Variants in OSBP observed in about 807,000 individuals in gnomAD.
OSBP encodes the protein oxysterol-binding protein 1.
OSBP carries 32 observed loss-of-function variants against 96.6 expected under a neutral mutation model. That is an observed-to-expected ratio of 0.33 (90% CI 0.25 to 0.45). The LOEUF is 0.45. Ranked by LOEUF, OSBP falls within the 20% of genes least tolerant of loss-of-function variation. The pLI is 1.00. For missense variants in OSBP, 653 were observed against 1,029.7 expected (o/e 0.63, Z 5.01); for synonymous variants, 369 against 389.6 (o/e 0.95, Z 0.62).
chr11:59,612,406 T>C (rs1052785616), intron 1 of OSBP, among the ~76,000 whole-genome samples: 2 of 152,178 alleles, frequency 1.3e-5, no homozygotes, highest in African/African-American at 2.4e-5. Flanking sequence ...ACTCCAAGTA[T>C]ACTACTTGGA....
chr11:59,577,726 A>G (rs1860376427), intron 12 of OSBP, among the ~76,000 whole-genome samples: 1 of 152,194 alleles, frequency 6.6e-6, no homozygotes, highest in Non-Finnish European at 1.5e-5. Flanking sequence ...CCTAATCACA[A>G]GTGATCCACC....
Position 59,578,198 on chromosome 11 carries a change from G to C in OSBP, c.2011C>G (p.His671Asp). Residue 671 changes from histidine to aspartate, a missense_variant, in exon 12 of 14, where the codon CAT becomes GAT. Around this residue, in one of 6 missense-constraint regions of OSBP, gnomAD observed 169 missense variants for 251.5 expected, o/e 0.67. Transcript: ENST00000263847. ...ENGGDARQRG[H>D]EAEESRVMLW... ...ATGACCCTGCTTTCCTCTGCTTCAT[G>C]GCCTCTCTGTCGAGCATCACCCCCA... 6.2e-7 allele frequency: 1 copy of C among 1,614,150 alleles called. No homozygotes were observed. The highest frequency in any genetic ancestry group is 8.5e-7 in the Non-Finnish European group (1 of 1,180,020).
chr11:59,600,075 T>C (rs1276816317), intron 7 of OSBP, among the ~76,000 whole-genome samples: 2 of 152,242 alleles, frequency 1.3e-5, no homozygotes, highest in Non-Finnish European at 2.9e-5. Context: ...CTGGTTTGAA[T>C]GAGCGATTTT....
intron 9 of OSBP, among the ~76,000 whole-genome samples, chr11:59,584,170 C>T (rs1227690082): frequency 6.6e-6 from 1 of 151,966 alleles, no homozygotes; most frequent in Non-Finnish European, 1.5e-5. Context: ...TGGTCTTGAA[C>T]TCCTGGGCTC....
chr11:59,605,605 C>T (rs1336345188), intron 3 of OSBP, among the ~76,000 whole-genome samples: 1 of 151,986 alleles, frequency 6.6e-6, no homozygotes, highest in African/African-American at 2.4e-5. Context: ...AGGCTGGTCT[C>T]GAACTCCTGA....
intron 7 of OSBP, among the ~76,000 whole-genome samples, chr11:59,600,269 A>G (rs1322358691): frequency 6.6e-6 from 1 of 152,260 alleles, no homozygotes; most frequent in Non-Finnish European, 1.5e-5. Context: ...TTGCTCAAAA[A>G]TAACTGCTAC....
intron 3 of OSBP, among the ~76,000 whole-genome samples, chr11:59,603,532 T>C (rs890551500): frequency 7.5e-6 from 1 of 133,528 alleles, no homozygotes; most frequent in African/African-American, 2.9e-5. Flanking sequence ...ACCTTCAGTT[T>C]TTTTTTTTTT....
Position 59,585,038 on chromosome 11 carries a change from A to T in OSBP, c.1679-3484T>A, listed in dbSNP as rs1431899123. ...TGGCCTCCCAAAATGCCGAGATTAC[A>T]GCCTCTGCCCGGCCGCCACCCCGTC... On this transcript the variant is annotated intron_variant, in intron 9 of 13. Transcript: ENST00000263847. 3.9e-5 allele frequency among the ~76,000 whole-genome samples: 6 copies of T among 152,244 alleles called. No homozygotes were observed. The South Asian group carries it at 1.2e-3, about 32-fold the overall frequency.
At chr11:59,606,645 T>C (rs994762915) in intron 3 of OSBP, among the ~76,000 whole-genome samples, 9 of 152,188 alleles carry the variant, frequency 5.9e-5, no homozygotes, top group Non-Finnish European at 1.0e-4. Context: ...AATATACCTA[T>C]GTAACAAACC....
intron 9 of OSBP, among the ~76,000 whole-genome samples, chr11:59,588,672 G>C (rs1327804013): frequency 2.0e-5 from 3 of 152,078 alleles, no homozygotes; most frequent in Non-Finnish European, 4.4e-5. Context: ...ACTTAAGAAT[G>C]GGTAAGGTGC....
intron 7 of OSBP, among the ~76,000 whole-genome samples, chr11:59,596,844 T>C (rs1860665366): frequency 6.6e-6 from 1 of 152,092 alleles, no homozygotes; most frequent in African/African-American, 2.4e-5. Flanking sequence ...TACTGGTATC[T>C]TGCATTAGTG....
Position 59,581,601 on chromosome 11 carries a change from T to C in OSBP, c.1679-47A>G, listed in dbSNP as rs780116359. The C allele has an allele frequency of 5.9e-6, 6 of 1,012,536 alleles. No homozygotes were observed. The South Asian group carries it at 6.4e-5, about 11-fold the overall frequency. The allele number at this position is 1,012,536 out of a possible 1,614,324, so 62.7% of individuals were successfully genotyped here. A position where few individuals can be genotyped will look rare whatever the true frequency, so the allele number is the denominator to read the frequency against. On this transcript the variant is annotated intron_variant, in intron 9 of 13. Transcript: ENST00000263847. Reference sequence around the variant, plus strand: ...CAAATTAAGCCAAATGTCAGAAAAATAGCACCATGCAGCCTCAAAACAGTA... The same window carrying C: ...CAAATTAAGCCAAATGTCAGAAAAACAGCACCATGCAGCCTCAAAACAGTA...
intron 4 of OSBP, 98 bp downstream of exon 4, chr11:59,601,542 T>C (rs546832162): frequency 5.1e-6 from 6 of 1,186,886 alleles, no homozygotes; most frequent in East Asian, 2.3e-5. Flanking sequence ...CCATTTCACA[T>C]GACTCATTGA....
In OSBP at chr11:59,576,588, C is replaced by T. The variant is rs1018777721; in HGVS notation, c.2413G>A (p.Asp805Asn). The change falls in exon 14 of 14, where the codon GAC becomes AAC. Residue 805 changes from aspartate to asparagine, a missense_variant. Coordinates refer to ENST00000263847, the MANE Select transcript of OSBP (RefSeq NM_002556.3). ...KEKQDWSSCP[D>N]IF ...TTGTTACTGCCGTTTCAGAAAATGT[C>T]CGGGCATGAGCTCCAGTCCTGTTTT... The T allele has an allele frequency of 1.2e-6, 2 of 1,612,958 alleles. No individual in the cohort carries two copies. The highest frequency in any genetic ancestry group is 2.7e-5 in the African/African-American group (2 of 74,816).
At chr11:59,600,391 T>A in intron 7 of OSBP, 105 bp downstream of exon 7, 3 of 1,208,346 alleles carry the variant, frequency 2.5e-6, no homozygotes, top group South Asian at 3.0e-5. Flanking sequence ...AAAAAGACCA[T>A]GCCACAAACT....
At chr11:59,579,836 C>T (rs966033180) in intron 11 of OSBP, among the ~76,000 whole-genome samples, 8 of 152,012 alleles carry the variant, frequency 5.3e-5, no homozygotes, top group South Asian at 2.1e-4. Flanking sequence ...CTGCCTCACC[C>T]GAGTAGCTGG....
chr11:59,591,402 G>C (rs1179352048), intron 9 of OSBP, among the ~76,000 whole-genome samples: 1 of 152,092 alleles, frequency 6.6e-6, no homozygotes, highest in Non-Finnish European at 1.5e-5. Context: ...ATTGGTTCCA[G>C]AACACCCTGC....
rs769619443 is a variant in OSBP, at chr11:59,608,464, C to G, written c.822+20G>C. 4 of 1,613,886 alleles carry G rather than the reference C, an allele frequency of 2.5e-6. No individual in the cohort carries two copies. The highest frequency in any genetic ancestry group is 1.3e-5 in the African/African-American group (1 of 74,922). ...AGAGGGAATGAATCAAAAAGCAACA[C>G]AGACACCATCTGCACTCACGTTGAT... On this transcript the variant is annotated intron_variant, in intron 3 of 13. Transcript: ENST00000263847.
At chr11:59,595,713 G>A (rs1219165498) in intron 7 of OSBP, among the ~76,000 whole-genome samples, 1 of 151,972 alleles carries the variant, frequency 6.6e-6, no homozygotes, top group Non-Finnish European at 1.5e-5. Flanking sequence ...GCTGAGGCAA[G>A]CGGATTGCTT....
Sources: allele counts gnomAD v4.1 joint callset (sites outside exome capture counted in the v4.1 genomes callset), GRCh38; gene constraint gnomAD v4.1.1; regional missense constraint gnomAD v4.1.1; transcripts MANE v1.5; gene names NCBI Gene and HGNC (gene_info 2026-07-23, HGNC 2026-07-21).